Variants in PTPRN2 observed in about 807,000 individuals in gnomAD.
PTPRN2 encodes the protein protein tyrosine phosphatase receptor type N2, also known as receptor-type tyrosine-protein phosphatase N2.
A neutral mutation model predicts 118.8 loss-of-function variants in PTPRN2; 74 were observed. The ratio of observed to expected loss-of-function variants is 0.62; its 90% CI spans 0.52 to 0.76. The LOEUF is 0.76. Ranked by LOEUF, PTPRN2 falls within the 30% of genes least tolerant of loss-of-function variation. The pLI is 0.00. For synonymous variants in PTPRN2, 641 were observed against 608.0 expected (o/e 1.05, Z -0.80); for missense variants, 1,481 against 1,394.4 (o/e 1.06, Z -0.99).
intron 11 of PTPRN2, among the ~76,000 whole-genome samples, chr7:158,069,399 C>T (rs979898492): frequency 6.6e-6 from 1 of 152,220 alleles, no homozygotes; most frequent in African/African-American, 2.4e-5. Context: ...TGGGGTCTCA[C>T]TATGTTGCCC....
intron 2 of PTPRN2, among the ~76,000 whole-genome samples, chr7:158,331,975 C>G (rs1464715186): frequency 1.3e-5 from 2 of 151,144 alleles, no homozygotes; most frequent in African/African-American, 4.9e-5. Flanking sequence ...CAACTGAAGA[C>G]GTCACTCACA....
chr7:158,514,788 T>C (rs1823414907), intron 1 of PTPRN2, among the ~76,000 whole-genome samples: 1 of 152,128 alleles, frequency 6.6e-6, no homozygotes, highest in Non-Finnish European at 1.5e-5. Flanking sequence ...ACCTGCCCCA[T>C]CCATTTGGTT....
chr7:158,213,977 G>A (rs1187889437), intron 3 of PTPRN2, among the ~76,000 whole-genome samples: 1 of 152,124 alleles, frequency 6.6e-6, no homozygotes, highest in Non-Finnish European at 1.5e-5. Context: ...CAGAACAACA[G>A]TTGGTCAACT....
At chr7:158,145,501 C>A (rs961122426) in intron 6 of PTPRN2, among the ~76,000 whole-genome samples, 1 of 152,194 alleles carries the variant, frequency 6.6e-6, no homozygotes, top group African/African-American at 2.4e-5. Flanking sequence ...TGGCAGGCAT[C>A]CACCCTTGAG....
chr7:157,961,397 G>A (rs1030066321), intron 11 of PTPRN2, among the ~76,000 whole-genome samples: 2 of 152,166 alleles, frequency 1.3e-5, no homozygotes, highest in East Asian at 3.9e-4. Context: ...GCTGGGCATG[G>A]TGGTACACAC....
At chr7:157,989,752 C>G (rs1024017525) in intron 11 of PTPRN2, among the ~76,000 whole-genome samples, 1 of 152,126 alleles carries the variant, frequency 6.6e-6, no homozygotes, top group African/African-American at 2.4e-5. Context: ...CATGTCCACC[C>G]CACTTCACAG....
intron 16 of PTPRN2, among the ~76,000 whole-genome samples, chr7:157,600,307 T>C (rs1801599472): frequency 6.6e-6 from 1 of 152,230 alleles, no homozygotes; most frequent in African/African-American, 2.4e-5. Flanking sequence ...TTAAAGCAAA[T>C]TGCATGAAAC....
rs7784097 is a variant in PTPRN2, at chr7:158,551,707, C to G, written c.112+35851G>C. Among the ~76,000 whole-genome samples the G allele has an allele frequency of 5.7e-3, 237 of 41,614 alleles. 7 individuals carry two copies. Among genetic ancestry groups the G allele is most frequent in the African/African-American group, 0.026 (226 of 8,708 alleles). The allele number at this position is 41,614 out of a possible 152,430, so 27.3% of individuals were successfully genotyped here. ...CCATTGCATCAGGGTGGGGCTCTAA[C>G]ACATGCATTTGGGGGGCCCCAGCTC... On this transcript the variant is annotated intron_variant, in intron 1 of 22. Coordinates refer to ENST00000389418, the MANE Select transcript of PTPRN2 (RefSeq NM_002847.5).
chr7:158,533,726 TC>T (rs1486604540), intron 1 of PTPRN2, among the ~76,000 whole-genome samples: 28 of 152,298 alleles, frequency 1.8e-4, no homozygotes, highest in Admixed American at 1.6e-3. Flanking sequence ...ATAACGGACA[TC>T]CTTTCGCCAC....
intron 11 of PTPRN2, chr7:158,030,337 C>T (rs1807596592): frequency 6.6e-6 from 1 of 152,286 alleles, no homozygotes; most frequent in Non-Finnish European, 1.5e-5. Context: ...TGCGCAAGCA[C>T]CTGACCCCCT....
At chr7:157,833,996 G>C (rs796752098) in intron 12 of PTPRN2, among the ~76,000 whole-genome samples, 12 of 152,336 alleles carry the variant, frequency 7.9e-5, no homozygotes, top group African/African-American at 2.9e-4. Context: ...AGAAGGAGCT[G>C]GCGGATTTCT....
chr7:158,409,997 G>C (rs2151430321), intron 2 of PTPRN2, among the ~76,000 whole-genome samples: 1 of 152,306 alleles, frequency 6.6e-6, no homozygotes, highest in African/African-American at 2.4e-5. Flanking sequence ...GCTGCCTGAG[G>C]TTCGCTGAAC....
intron 1 of PTPRN2, among the ~76,000 whole-genome samples, chr7:158,502,781 T>TACTGTGTCCATCAGCC (rs1446433896): frequency 6.6e-6 from 1 of 151,928 alleles, no homozygotes; most frequent in Non-Finnish European, 1.5e-5. Flanking sequence ...GTCCATCAAC[T>TACTGTGTCCATCAGCC]ACTGTGTCCA....
At chr7:157,937,120 C>T (rs1002731581) in intron 11 of PTPRN2, among the ~76,000 whole-genome samples, 2 of 152,188 alleles carry the variant, frequency 1.3e-5, no homozygotes, top group African/African-American at 4.8e-5. Flanking sequence ...GACCCCTGAA[C>T]ACCGTGGGTC....
intron 11 of PTPRN2, among the ~76,000 whole-genome samples, chr7:157,936,439 C>T (rs1799703517): frequency 6.6e-6 from 1 of 152,214 alleles, no homozygotes; most frequent in South Asian, 2.1e-4. Flanking sequence ...CCCTGTAGCT[C>T]TCTGGCCACC....
chr7:157,947,823 C>T (rs1800579246), intron 11 of PTPRN2, among the ~76,000 whole-genome samples: 1 of 152,206 alleles, frequency 6.6e-6, no homozygotes, highest in African/African-American at 2.4e-5. Context: ...GGCAATTCAT[C>T]TTGTACTTGA....
chr7:158,474,190 G>A (rs1176882399), intron 2 of PTPRN2, among the ~76,000 whole-genome samples: 1 of 152,194 alleles, frequency 6.6e-6, no homozygotes, highest in Non-Finnish European at 1.5e-5. Flanking sequence ...CAACCCAAGA[G>A]GCACAGCGAA....
At chr7:158,346,103 A>T (rs142648301) in intron 2 of PTPRN2, among the ~76,000 whole-genome samples, 119 of 152,378 alleles carry the variant, frequency 7.8e-4, no homozygotes, top group Admixed American at 3.1e-3. Context: ...ATGTGGAATA[A>T]TTAAATCAAG....
chr7:157,710,726 C>T (rs1356792228), intron 12 of PTPRN2, among the ~76,000 whole-genome samples: 1 of 152,166 alleles, frequency 6.6e-6, no homozygotes, highest in African/African-American at 2.4e-5. Context: ...GCCGCCTGGG[C>T]ACAGGTGCCC....
Sources: allele counts gnomAD v4.1 joint callset (sites outside exome capture counted in the v4.1 genomes callset), GRCh38; gene constraint gnomAD v4.1.1; transcripts MANE v1.5; gene names NCBI Gene and HGNC (gene_info 2026-07-23, HGNC 2026-07-21).